The following ADIPOR2 variants were observed in gnomAD, a reference collection of about 807,000 sequenced individuals.
ADIPOR2 encodes adiponectin receptor protein 2.
In ADIPOR2, 18 loss-of-function variants were observed where a neutral mutation model predicts 40.9. That is an observed-to-expected ratio of 0.44 (90% CI 0.30 to 0.65). The LOEUF (loss-of-function observed/expected upper bound fraction) is 0.65, where lower values mean the gene tolerates loss of function less well. Ranked by LOEUF, ADIPOR2 falls within the 30% of genes least tolerant of loss-of-function variation. ADIPOR2 has a pLI of 0.09. For missense variants in ADIPOR2, 283 were observed against 479.2 expected, an observed-to-expected ratio of 0.59 and a Z score of 3.82; for synonymous variants, 165 against 166.4, an observed-to-expected ratio of 0.99 and a Z score of 0.06.
intron 1 of ADIPOR2, chr12:1,702,934 AAGG>A (rs1343795272): frequency 6.6e-6 from 1 of 152,200 alleles, no homozygotes; most frequent in Non-Finnish European, 1.5e-5. Context: ...TTAAAGAGCA[AAGG>A]AGAAGTTTTC....
chr12:1,759,645 A>ATT (rs961388198), intron 2 of ADIPOR2, among the ~76,000 whole-genome samples: 8 of 152,172 alleles, frequency 5.3e-5, no homozygotes, highest in Non-Finnish European at 8.8e-5. Flanking sequence ...AAATGCCAGG[A>ATT]TTTTATTCCA....
At chr12:1,757,256 A>C in intron 2 of ADIPOR2, 2 of 577,714 alleles carry the variant, frequency 3.5e-6, no homozygotes, top group Non-Finnish European at 6.3e-6. Context: ...TTTGGTCGCC[A>C]GTCTTTTGTC....
intron 1 of ADIPOR2, among the ~76,000 whole-genome samples, chr12:1,738,666 C>G (rs1565643831): frequency 6.6e-6 from 1 of 152,148 alleles, no homozygotes; most frequent in Non-Finnish European, 1.5e-5. Flanking sequence ...GACCTTCTTT[C>G]ACTTTTTGGA....
At chr12:1,780,678 A>T (rs562288254) in intron 5 of ADIPOR2, 41 bp downstream of exon 5, 1 of 1,494,308 alleles carries the variant, frequency 6.7e-7, no homozygotes, top group South Asian at 1.3e-5. Context: ...AATGATTTAG[A>T]GGTAGTGCGT....
intron 1 of ADIPOR2, among the ~76,000 whole-genome samples, chr12:1,694,825 G>A (rs1244561481): frequency 6.6e-6 from 1 of 151,954 alleles, no homozygotes; most frequent in African/African-American, 2.4e-5. Flanking sequence ...TTTTTTAGCA[G>A]CTTTAGATGT....
intron 1 of ADIPOR2, among the ~76,000 whole-genome samples, chr12:1,728,947 A>G (rs1232349717): frequency 7.5e-6 from 1 of 133,368 alleles, no homozygotes; most frequent in African/African-American, 2.7e-5. Flanking sequence ...TACTTTTCCT[A>G]GTTCTGGACT....
chr12:1,739,190 AATG>A (rs1164058720), intron 1 of ADIPOR2, among the ~76,000 whole-genome samples: 1 of 152,242 alleles, frequency 6.6e-6, no homozygotes. Context: ...GAACATAAAA[AATG>A]ATGAAGGTAC....
intron 1 of ADIPOR2, among the ~76,000 whole-genome samples, chr12:1,742,581 A>G (rs768967561): frequency 2.6e-5 from 4 of 152,206 alleles, no homozygotes; most frequent in African/African-American, 4.8e-5. Context: ...TCCCATGGAT[A>G]CCAAAATCTG....
intron 1 of ADIPOR2, among the ~76,000 whole-genome samples, chr12:1,723,987 T>C (rs1460452622): frequency 6.6e-6 from 1 of 151,592 alleles, no homozygotes; most frequent in African/African-American, 2.4e-5. Flanking sequence ...ATGGAATCTT[T>C]TTTTTTTTTT....
At chr12:1,701,008 A>G (rs2094649052) in intron 1 of ADIPOR2, among the ~76,000 whole-genome samples, 1 of 151,940 alleles carries the variant, frequency 6.6e-6, no homozygotes, top group Non-Finnish European at 1.5e-5. Context: ...ATATCTTAGC[A>G]TGTTCCCATA....
intron 1 of ADIPOR2, among the ~76,000 whole-genome samples, chr12:1,694,531 A>T (rs1158216645): frequency 6.6e-6 from 1 of 152,220 alleles, no homozygotes; most frequent in African/African-American, 2.4e-5. Flanking sequence ...TTGTTTGGGG[A>T]ATAAAGACAA....
chr12:1,781,001 G>T lies in ADIPOR2; in HGVS notation c.763G>T (p.Val255Leu), dbSNP rs150222545. The T allele has an allele frequency of 1.7e-5, 28 of 1,613,648 alleles. 1 individual carries two copies. In the East Asian group the frequency reaches 6.0e-4, roughly 35 times the overall value. The change falls in exon 6 of 8, where the codon GTG (valine) becomes TTG (leucine). Residue 255 changes from valine to leucine, a missense_variant. Physicochemically the swap from Val to Leu is conservative, Grantham distance 32. Transcript: ENST00000357103. ...PCFIYLIVIC[V>L]LGIAAIIVSQ... ...CTTCATCTACTTGATTGTCATCTGT[G>T]TGCTGGGCATTGCAGCCATTATAGT... is the stretch of plus-strand genomic sequence containing the variant.
intron 1 of ADIPOR2, among the ~76,000 whole-genome samples, chr12:1,748,111 C>G (rs886278752): frequency 3.3e-5 from 5 of 152,052 alleles, no homozygotes; most frequent in African/African-American, 1.2e-4. Context: ...TGAGCCCCCC[C>G]ACCCTTTATT....
intron 1 of ADIPOR2, among the ~76,000 whole-genome samples, chr12:1,752,251 T>TTTTTA (rs1251839721): frequency 1.5e-5 from 2 of 132,628 alleles, no homozygotes; most frequent in African/African-American, 5.6e-5. Context: ...TTTTTTTTTT[T>TTTTTA]AAGATAATGT....
intron 1 of ADIPOR2, among the ~76,000 whole-genome samples, chr12:1,719,142 A>G (rs1157811699): frequency 6.6e-6 from 1 of 152,064 alleles, no homozygotes; most frequent in East Asian, 1.9e-4. Flanking sequence ...CATGTTACCA[A>G]TTATGCTTTT....
rs59268943 is a variant in ADIPOR2 at position 1,721,205 on chromosome 12, CTTTTTTTTTTTTTT to C, written c.-87+30031_-87+30044del. On this transcript the variant is annotated intron_variant, in intron 1 of 7. Transcript: ENST00000357103. ...CTCAACCTAGGCAAAATAAAATAAA[CTTTTTTTTTTTTTT>C]TTTTTTTTTTTTTTTTGAGGTGGAG... Among the ~76,000 whole-genome samples, 160 of 58,220 alleles carry C rather than the reference CTTTTTTTTTTTTTT, an allele frequency of 2.7e-3. 1 individual carries two copies. The highest frequency in any genetic ancestry group is 9.7e-3 in the African/African-American group (136 of 14,024). 38.2% of individuals were successfully genotyped at this position (58,220 alleles called of 152,430 possible).
At chr12:1,739,115 A>G (rs2094737297) in intron 1 of ADIPOR2, among the ~76,000 whole-genome samples, 1 of 152,250 alleles carries the variant, frequency 6.6e-6, no homozygotes, top group South Asian at 2.1e-4. Context: ...AAAGAACAGT[A>G]AAACATGAAT....
At chr12:1,781,163 CATT>C (rs1862711050) in intron 6 of ADIPOR2, 87 bp downstream of exon 6, 2 of 1,351,760 alleles carry the variant, frequency 1.5e-6, no homozygotes, top group Non-Finnish European at 2.0e-6. Flanking sequence ...ATTTGCCAAA[CATT>C]ATGCTGTGTA....
chr12:1,713,991 G>A (rs912220543), intron 1 of ADIPOR2, among the ~76,000 whole-genome samples: 8 of 152,102 alleles, frequency 5.3e-5, no homozygotes, highest in African/African-American at 1.9e-4. Flanking sequence ...ATGAGCTGGC[G>A]CTTGCCCCGG....
Sources: gnomAD v4.1 joint callset for allele counts (sites outside exome capture counted in the v4.1 genomes callset) on GRCh38, gnomAD v4.1.1 for gene constraint, MANE v1.5 for transcripts, NCBI Gene and HGNC (gene_info 2026-07-23, HGNC 2026-07-21) for gene names.